SCAMP4: variants seen among roughly 807,000 people sequenced by gnomAD.
SCAMP4 encodes secretory carrier-associated membrane protein 4.
SCAMP4 carries 19 observed loss-of-function variants against 32.1 expected under a neutral mutation model. The ratio of observed to expected loss-of-function variants is 0.59; its 90% CI spans 0.41 to 0.87. The LOEUF (loss-of-function observed/expected upper bound fraction) is 0.87, where lower values mean the gene tolerates loss of function less well. Ranked by LOEUF, SCAMP4 falls within the 40% of genes least tolerant of loss-of-function variation. The pLI is 0.00. For missense variants in SCAMP4, 302 were observed against 309.0 expected (o/e 0.98, Z 0.17); for synonymous variants, 152 against 132.7 (o/e 1.15, Z -1.00).
chr19:1,911,154 C>T (rs574143985), intron 1 of SCAMP4, among the ~76,000 whole-genome samples: 4 of 152,040 alleles, frequency 2.6e-5, no homozygotes, highest in African/African-American at 4.8e-5. Flanking sequence ...GGATTACAGG[C>T]GTGAGCCACC....
intron 1 of SCAMP4, chr19:1,912,381 C>T (rs1257950765): frequency 1.3e-6 from 2 of 1,521,248 alleles, no homozygotes; most frequent in Non-Finnish European, 1.8e-6. Context: ...GCTGCTTTGC[C>T]TGGCTGGGCC....
At chr19:1,917,847 C>T (rs757984463) in intron 3 of SCAMP4, 25 bp downstream of exon 3, 7 of 1,612,226 alleles carry the variant, frequency 4.3e-6, no homozygotes, top group Admixed American at 1.7e-5. Flanking sequence ...GGGCAGGAGG[C>T]GGGAAGCGGG....
intron 1 of SCAMP4, among the ~76,000 whole-genome samples, chr19:1,911,079 G>C (rs2013419082): frequency 6.6e-6 from 1 of 152,022 alleles, no homozygotes; most frequent in Non-Finnish European, 1.5e-5. Flanking sequence ...GTTTCACCGT[G>C]TTAGCCAGGA....
At chr19:1,921,798 A>G in intron 5 of SCAMP4, 2 of 983,594 alleles carry the variant, frequency 2.0e-6, no homozygotes, top group Middle Eastern at 1.0e-3. Flanking sequence ...TGGGCAACAT[A>G]GGGAGAAACC....
Position 1,924,574 on chromosome 19 carries a change from C to T in SCAMP4, c.*290C>T. On this transcript the variant is annotated 3_prime_UTR_variant, in exon 7 of 7. Coordinates refer to ENST00000316097, the MANE Select transcript of SCAMP4 (RefSeq NM_079834.4). ...TGGTCACCCGCCGTCCACTGCACGG[C>T]TGGTACGGCCTTGTCTTCAGGTCTC... 2.3e-6 allele frequency: 1 copy of T among 432,164 alleles called. No homozygotes were observed. Among genetic ancestry groups the T allele is most frequent in the African/African-American group, 2.0e-5 (1 of 50,652 alleles). The allele number at this position is 432,164 out of a possible 1,614,324, so 26.8% of individuals were successfully genotyped here.
intron 1 of SCAMP4, chr19:1,911,776 G>A (rs2013461281): frequency 1.8e-5 from 6 of 342,292 alleles, no homozygotes; most frequent in South Asian, 1.1e-4. Flanking sequence ...GCGAGACTCC[G>A]TCTCAGAAGT....
intron 1 of SCAMP4, chr19:1,906,381 T>A (rs2013114922): frequency 6.6e-6 from 1 of 152,164 alleles, no homozygotes; most frequent in African/African-American, 2.4e-5. Flanking sequence ...AAAAAAGATT[T>A]TTTTTTAATA....
chr19:1,920,770 C>G (rs749929090), intron 5 of SCAMP4: 3 of 985,478 alleles, frequency 3.0e-6, no homozygotes, highest in Admixed American at 6.1e-5. Context: ...GCCGCCTCCC[C>G]GGTGCGTCCC....
At chr19:1,915,436 C>T in intron 2 of SCAMP4, 1 of 255,866 alleles carries the variant, frequency 3.9e-6, no homozygotes, top group Non-Finnish European at 7.7e-6. Flanking sequence ...TCGCAGGCGC[C>T]CAGGGACACT....
chr19:1,920,870 C>T (rs2013896862), intron 5 of SCAMP4: 4 of 985,484 alleles, frequency 4.1e-6, no homozygotes, highest in Non-Finnish European at 4.8e-6. Flanking sequence ...CCACATGTGA[C>T]CCTCAGAGAC....
chr19:1,915,181 G>A (rs538805232), intron 2 of SCAMP4, among the ~76,000 whole-genome samples, 155 bp downstream of exon 2: 1 of 152,320 alleles, frequency 6.6e-6, no homozygotes, highest in South Asian at 2.1e-4. Context: ...AGCACAGCTG[G>A]AGTCACGCCT....
chr19:1,907,559 C>T (rs1374292690), intron 1 of SCAMP4, among the ~76,000 whole-genome samples: 1 of 152,156 alleles, frequency 6.6e-6, no homozygotes, highest in Non-Finnish European at 1.5e-5. Flanking sequence ...GGTGGACATA[C>T]CCAGGTCCCG....
chr19:1,923,637 T>TTTG (rs1555840379), intron 6 of SCAMP4, among the ~76,000 whole-genome samples: 1 of 148,568 alleles, frequency 6.7e-6, no homozygotes, highest in Non-Finnish European at 1.5e-5. Context: ...TTTTTTTTTT[T>TTTG]AGACAGAGTC....
intron 5 of SCAMP4, chr19:1,922,382 G>T (rs1345361686): frequency 8.7e-6 from 6 of 688,380 alleles, no homozygotes; most frequent in Non-Finnish European, 1.1e-5. Flanking sequence ...TTACAGGCAT[G>T]CGCCCTCATG....
intron 1 of SCAMP4, chr19:1,906,656 C>G (rs1360689455): frequency 6.6e-6 from 1 of 150,936 alleles, no homozygotes; most frequent in South Asian, 2.1e-4. Context: ...CAAGACCATC[C>G]TGGCTAACAC....
intron 1 of SCAMP4, among the ~76,000 whole-genome samples, chr19:1,907,848 C>T (rs72975698): frequency 6.6e-6 from 1 of 151,680 alleles, no homozygotes; most frequent in South Asian, 2.1e-4. Context: ...AGTGAGTCGT[C>T]CCCCCGGGCC....
intron 2 of SCAMP4, 88 bp from the exon 3 acceptor site, chr19:1,917,606 G>A: frequency 6.7e-7 from 1 of 1,498,144 alleles, no homozygotes; most frequent in East Asian, 2.3e-5. Context: ...GCCATGAGAG[G>A]CAACCCAGCC....
At chr19:1,907,513 C>T (rs1016037356) in intron 1 of SCAMP4, among the ~76,000 whole-genome samples, 2 of 152,126 alleles carry the variant, frequency 1.3e-5, no homozygotes, top group Non-Finnish European at 2.9e-5. Context: ...GGGCTGAACG[C>T]CTCTAGGGCA....
chr19:1,920,852 G>T (rs1759312576), intron 5 of SCAMP4: 2 of 985,390 alleles, frequency 2.0e-6, no homozygotes, highest in Non-Finnish European at 2.4e-6. Flanking sequence ...CCGGCATGAG[G>T]TGAGTGCCCA....
Sources: gnomAD v4.1 joint callset for allele counts (sites outside exome capture counted in the v4.1 genomes callset) on GRCh38, gnomAD v4.1.1 for gene constraint, MANE v1.5 for transcripts, NCBI Gene and HGNC (gene_info 2026-07-23, HGNC 2026-07-21) for gene names.